The following RUFY1 variants were observed in gnomAD, a reference collection of about 807,000 sequenced individuals.
RUFY1 encodes RUN and FYVE domain containing 1.
Under a neutral mutation model 94.6 loss-of-function variants are expected in RUFY1, and 54 were observed. The observed-to-expected ratio is 0.57, with a 90% CI of 0.46 to 0.72. The LOEUF (loss-of-function observed/expected upper bound fraction) is 0.72. Among genes scored for constraint, RUFY1 ranks in the 30% least tolerant of loss-of-function variants. RUFY1 has a pLI of 0.00. For missense variants in RUFY1, 883 were observed against 883.9 expected (o/e 1.00, Z 0.01); for synonymous variants, 396 against 347.3 (o/e 1.14, Z -1.56).
chr5:179,607,012 G>A (rs1767158424), intron 16 of RUFY1: 1 of 153,812 alleles, frequency 6.5e-6, no homozygotes, highest in African/African-American at 2.4e-5. Context: ...CCTCCCCTGT[G>A]GAATGGAGTC....
intron 3 of RUFY1, among the ~76,000 whole-genome samples, chr5:179,565,234 A>G (rs1392518881): frequency 7.8e-6 from 1 of 127,552 alleles, no homozygotes; most frequent in African/African-American, 3.0e-5. Flanking sequence ...GCTGGAGTGC[A>G]GTGGCACAAT....
chr5:179,583,118 C>T (rs56071539), intron 7 of RUFY1, among the ~76,000 whole-genome samples: 35,498 of 151,530 alleles, frequency 0.23, 4,937 homozygotes, highest in East Asian at 0.64. Flanking sequence ...ACCTGGCCAA[C>T]ATGGTGAAAC....
At chr5:179,564,824 A>G (rs920617421) in intron 3 of RUFY1, among the ~76,000 whole-genome samples, 1 of 152,192 alleles carries the variant, frequency 6.6e-6, no homozygotes, top group South Asian at 2.1e-4. Flanking sequence ...GAACCACCCT[A>G]GTTTTTTTTA....
intron 6 of RUFY1, among the ~76,000 whole-genome samples, chr5:179,579,654 C>CTT (rs1554118772): frequency 7.8e-5 from 3 of 38,636 alleles, no homozygotes; most frequent in African/African-American, 2.5e-4. Flanking sequence ...CCCTTTTCTT[C>CTT]TTCTTTTTTT....
At chr5:179,569,852 C>T (rs1158578852) in intron 5 of RUFY1, among the ~76,000 whole-genome samples, 1 of 152,194 alleles carries the variant, frequency 6.6e-6, no homozygotes, top group Non-Finnish European at 1.5e-5. Context: ...TCACACCATT[C>T]TCCTGCCTCA....
At chr5:179,582,037 C>T (rs549803321) in intron 7 of RUFY1, among the ~76,000 whole-genome samples, 61 of 151,818 alleles carry the variant, frequency 4.0e-4, no homozygotes, top group African/African-American at 1.3e-3. Flanking sequence ...GTTTTTTGGT[C>T]GATTACTAGT....
intron 15 of RUFY1, 74 bp from the exon 16 acceptor site, chr5:179,605,802 A>G: frequency 1.0e-6 from 1 of 997,146 alleles, no homozygotes. Context: ...GCTAGTCCTG[A>G]GAGCCAGCTG....
chr5:179,567,676 G>A (rs533900619), intron 4 of RUFY1, 114 bp downstream of exon 4: 169 of 674,634 alleles, frequency 2.5e-4, no homozygotes, highest in Non-Finnish European at 3.8e-4. Flanking sequence ...AGATCAGGTG[G>A]ATTGCTTGAG....
At position 179,607,633 on chromosome 5, in the gene RUFY1, AAGG is replaced by A. The variant is rs746476686; in HGVS notation, c.1960_1962del (p.Glu654del). ...AGCGACACACTGTAGGCAGTGTGAGAAGGAGTTCTCCATTTCCCGGAGAAAGGT... is the reference window on the plus strand; with the variant it reads ...AGCGACACACTGTAGGCAGTGTGAGAAGTTCTCCATTTCCCGGAGAAAGGT... On this transcript the variant is annotated inframe_deletion, in exon 17 of 18. Transcript: ENST00000319449. 3 of 1,614,018 alleles carry A rather than the reference AAGG, an allele frequency of 1.9e-6. No homozygotes were observed. The highest frequency in any genetic ancestry group is 1.3e-5 in the African/African-American group (1 of 74,928).
intron 14 of RUFY1, 116 bp from the exon 15 acceptor site, chr5:179,601,775 TG>T (rs1766432234): frequency 1.4e-6 from 1 of 719,614 alleles, no homozygotes; most frequent in African/African-American, 2.1e-5. Context: ...GCCAAGATCG[TG>T]CCACTGCACT....
intron 7 of RUFY1, among the ~76,000 whole-genome samples, chr5:179,584,960 C>A (rs1039005070): frequency 4.0e-5 from 6 of 151,756 alleles, no homozygotes; most frequent in Non-Finnish European, 8.8e-5. Flanking sequence ...ACAGTGAAAC[C>A]CCGTCTCTAC....
At chr5:179,574,697 T>C in intron 5 of RUFY1, among the ~76,000 whole-genome samples, 1 of 151,752 alleles carries the variant, frequency 6.6e-6, no homozygotes, top group Non-Finnish European at 1.5e-5. Flanking sequence ...AGTATTCTCT[T>C]ACAGCTTTTG....
intron 1 of RUFY1, chr5:179,555,766 T>A: frequency 3.0e-6 from 1 of 336,510 alleles, no homozygotes; most frequent in Non-Finnish European, 5.9e-6. Context: ...CAGCTGGGAT[T>A]ACAAGCATGC....
intron 13 of RUFY1, chr5:179,596,950 T>TA (rs552081461): frequency 2.3e-3 from 939 of 411,002 alleles, no homozygotes; most frequent in Non-Finnish European, 3.4e-3. Context: ...GTATCACCCT[T>TA]AACCACCCTT....
intron 16 of RUFY1, 80 bp from the exon 17 acceptor site, chr5:179,607,502 T>C (rs1365794368): frequency 1.1e-5 from 13 of 1,154,906 alleles, no homozygotes; most frequent in Non-Finnish European, 1.4e-5. Context: ...TGAGGGACAA[T>C]GGATGTGGCC....
intron 17 of RUFY1, chr5:179,608,229 T>G (rs1045330874): frequency 1.1e-6 from 1 of 939,052 alleles, no homozygotes; most frequent in African/African-American, 1.8e-5. Flanking sequence ...AAGGAAACAC[T>G]GCCAGCGCCA....
rs1581436005 is a variant in RUFY1 at position 179,564,209 on chromosome 5, C to G, written c.602+1545C>G. Among the ~76,000 whole-genome samples the G allele has an allele frequency of 2.0e-5, 3 of 150,492 alleles. No individual in the cohort carries two copies. The East Asian group carries it at 5.9e-4, about 30-fold the overall frequency. Reference sequence around the variant, plus strand: ...ATCTCGGCTCACTGCTACCTCCACCCCCTGGGTTCCAGCGATTCTCCTGCC... The same window carrying G: ...ATCTCGGCTCACTGCTACCTCCACCGCCTGGGTTCCAGCGATTCTCCTGCC... On this transcript the variant is annotated intron_variant, in intron 3 of 17. Transcript: ENST00000319449.
At position 179,593,930 on chromosome 5, in the gene RUFY1, A is replaced by G. The variant is rs535231099; in HGVS notation, c.1413+285A>G. On this transcript the variant is annotated intron_variant, in intron 11 of 17. Coordinates refer to ENST00000319449, the MANE Select transcript of RUFY1 (RefSeq NM_025158.5). ...ACCCAAACCCAAACTTTGTCCATCC[A>G]CCTTCACTGTCCCTCCACTGTCTGT... Among the ~76,000 whole-genome samples, 320 of 151,852 alleles carry G rather than the reference A, an allele frequency of 2.1e-3. 1 individual carries two copies. Among genetic ancestry groups the G allele is most frequent in the South Asian group, 4.8e-3 (23 of 4,798 alleles).
intron 7 of RUFY1, among the ~76,000 whole-genome samples, 177 bp from the exon 8 acceptor site, chr5:179,585,619 A>ATCTT (rs1201144708): frequency 2.0e-5 from 3 of 152,208 alleles, no homozygotes; most frequent in Admixed American, 2.0e-4. Flanking sequence ...GACAAAACTT[A>ATCTT]TTGAAAAGTA....
Sources: allele counts gnomAD v4.1 joint callset (sites outside exome capture counted in the v4.1 genomes callset), GRCh38; gene constraint gnomAD v4.1.1; transcripts MANE v1.5; gene names NCBI Gene and HGNC (gene_info 2026-07-23, HGNC 2026-07-21).